The following ARMC1 variants were observed in gnomAD, a reference collection of about 807,000 sequenced individuals.
ARMC1 encodes the protein armadillo repeat-containing protein 1.
ARMC1 carries 16 observed loss-of-function variants against 31.4 expected under a neutral mutation model. That is an observed-to-expected ratio of 0.51 (90% confidence interval 0.34 to 0.77). The LOEUF (loss-of-function observed/expected upper bound fraction) is 0.77. ARMC1 is among the 30% of genes least tolerant of loss of function. The probability of loss-of-function intolerance (pLI) is 0.01; values close to 1 mark genes in which losing one functional copy is unlikely to be tolerated. For missense variants in ARMC1, 259 were observed against 347.5 expected, an observed-to-expected ratio of 0.75 and a Z score of 2.02; for synonymous variants, 114 against 118.9, an observed-to-expected ratio of 0.96 and a Z score of 0.27.
intron 3 of ARMC1, among the ~76,000 whole-genome samples, chr8:65,618,065 A>G (rs1487244372): frequency 6.6e-6 from 1 of 151,500 alleles, no homozygotes; most frequent in Non-Finnish European, 1.5e-5. Flanking sequence ...ACAGGTACGT[A>G]CCACCATGCC....
chr8:65,619,746 G>A (rs527952548), intron 3 of ARMC1, among the ~76,000 whole-genome samples: 1 of 152,118 alleles, frequency 6.6e-6, no homozygotes, highest in East Asian at 1.9e-4. Context: ...TACTTTGGGA[G>A]GCTGAGACGG....
In ARMC1 at chr8:65,622,252, A is replaced by G. The variant is rs544136024; in HGVS notation, c.275+11T>C. ...TATATAAATAAATGAGACACTGTCT[A>G]TTGTACTTACTTCTGTATAACATTT... On this transcript the variant is annotated intron_variant, in intron 3 of 6. Transcript: ENST00000276569. 1.1e-5 allele frequency: 18 copies of G among 1,588,852 alleles called. No homozygotes were observed. Among genetic ancestry groups the G allele is most frequent in the Middle Eastern group, 1.7e-4 (1 of 6,024 alleles).
At chr8:65,618,560 C>G (rs1215781395) in intron 3 of ARMC1, among the ~76,000 whole-genome samples, 5 of 150,124 alleles carry the variant, frequency 3.3e-5, no homozygotes, top group Admixed American at 2.7e-4. Context: ...TAAAGTGTCT[C>G]ACCAGAAAAC....
intron 4 of ARMC1, among the ~76,000 whole-genome samples, chr8:65,612,386 T>A (rs1172805866): frequency 1.3e-5 from 2 of 149,098 alleles, no homozygotes; most frequent in Admixed American, 6.7e-5. Flanking sequence ...AGCCCAGGAG[T>A]TCGAGCCTGC....
At chr8:65,629,690 T>C (rs950444136) in intron 1 of ARMC1, among the ~76,000 whole-genome samples, 2 of 150,342 alleles carry the variant, frequency 1.3e-5, no homozygotes, top group Admixed American at 6.7e-5. Flanking sequence ...TCCCAGCTAC[T>C]CGGGAGGCTG....
At chr8:65,619,463 G>A (rs569797079) in intron 3 of ARMC1, among the ~76,000 whole-genome samples, 17 of 152,162 alleles carry the variant, frequency 1.1e-4, no homozygotes, top group African/African-American at 1.7e-4. Context: ...GCTTGAAACC[G>A]AGAGGAAGAG....
At chr8:65,606,249 T>G (rs1408843408) in intron 4 of ARMC1, among the ~76,000 whole-genome samples, 1 of 151,362 alleles carries the variant, frequency 6.6e-6, no homozygotes, top group Non-Finnish European at 1.5e-5. Context: ...TAGTCCCAGC[T>G]GCTCGGGAGG....
intron 4 of ARMC1, among the ~76,000 whole-genome samples, chr8:65,607,130 C>G (rs1808021391): frequency 6.6e-6 from 1 of 152,250 alleles, no homozygotes; most frequent in African/African-American, 2.4e-5. Flanking sequence ...TTCTGCATTT[C>G]AACACTACTC....
chr8:65,608,852 T>C (rs951833821), intron 4 of ARMC1, among the ~76,000 whole-genome samples: 4 of 151,840 alleles, frequency 2.6e-5, no homozygotes, highest in Non-Finnish European at 4.4e-5. Context: ...GACGTTGCAG[T>C]GAGCCAAGAT....
At chr8:65,633,768 G>C (rs751276253) in intron 1 of ARMC1, 1 of 152,328 alleles carries the variant, frequency 6.6e-6, no homozygotes, top group Non-Finnish European at 1.5e-5. Context: ...ACTGGGGTTA[G>C]TAAAAGTCAG....
chr8:65,620,798 T>TAAAAAAAAAAAA (rs776508929), intron 3 of ARMC1, among the ~76,000 whole-genome samples: 37 of 46,488 alleles, frequency 8.0e-4, no homozygotes, highest in Non-Finnish European at 6.2e-4. Flanking sequence ...TTAGTTCCAT[T>TAAAAAAAAAAAA]TAAAAAAAAA....
At chr8:65,616,718 A>G (rs1176417299) in intron 3 of ARMC1, among the ~76,000 whole-genome samples, 1 of 146,012 alleles carries the variant, frequency 6.8e-6, no homozygotes, top group Admixed American at 6.8e-5. Flanking sequence ...CCATAGTCTG[A>G]GATGTGGGGA....
chr8:65,617,929 G>A lies in ARMC1; in HGVS notation c.275+4334C>T, dbSNP rs1808308855. Among the ~76,000 whole-genome samples the A allele has an allele frequency of 2.7e-5, 4 of 150,102 alleles. 1 individual carries two copies. The highest frequency in any genetic ancestry group is 5.9e-5 in the Non-Finnish European group (4 of 67,562). ...TAATCCTTTTTTCGGCGGGGGGGGAGGGAGCAGACAGAGTCTCACTCTGTC... is the reference window on the plus strand; with the variant it reads ...TAATCCTTTTTTCGGCGGGGGGGGAAGGAGCAGACAGAGTCTCACTCTGTC... On this transcript the variant is annotated intron_variant, in intron 3 of 6. Coordinates refer to ENST00000276569, the MANE Select transcript of ARMC1 (RefSeq NM_018120.6).
intron 4 of ARMC1, among the ~76,000 whole-genome samples, chr8:65,610,997 GA>G (rs1808127891): frequency 2.6e-5 from 4 of 151,674 alleles, no homozygotes; most frequent in Admixed American, 2.6e-4. Flanking sequence ...GCAGTGGTGT[GA>G]TTTCCACTCA....
intron 4 of ARMC1, among the ~76,000 whole-genome samples, chr8:65,612,736 C>T (rs888180806): frequency 6.6e-6 from 1 of 151,800 alleles, no homozygotes; most frequent in Non-Finnish European, 1.5e-5. Flanking sequence ...GTGGTGCACA[C>T]TCGTAATTCC....
intron 3 of ARMC1, among the ~76,000 whole-genome samples, chr8:65,622,018 A>C (rs767037908): frequency 6.6e-6 from 1 of 152,026 alleles, no homozygotes; most frequent in African/African-American, 2.4e-5. Flanking sequence ...GCTCACTGCA[A>C]CCTCCACCTC....
chr8:65,623,452 T>C lies in ARMC1; in HGVS notation c.184-1098A>G, dbSNP rs1304229055. On this transcript the variant is annotated intron_variant, in intron 2 of 6. Coordinates refer to ENST00000276569, the MANE Select transcript of ARMC1 (RefSeq NM_018120.6). The stretch of plus-strand genomic sequence containing the variant: ...GGCAAAACCCCGTTTCTACTAAAAA[T>C]ACAAAAATTAGCCGGGCATGATGGC... 3.3e-5 allele frequency among the ~76,000 whole-genome samples: 5 copies of C among 149,962 alleles called. No individual in the cohort carries two copies. The Admixed American group carries it at 3.3e-4, about 10-fold the overall frequency.
chr8:65,623,389 A>T (rs888989250), intron 2 of ARMC1, among the ~76,000 whole-genome samples: 14 of 150,926 alleles, frequency 9.3e-5, no homozygotes, highest in Non-Finnish European at 1.9e-4. Context: ...CAGGCCGATC[A>T]CTTAAGGTCA....
chr8:65,604,241 A>C lies in ARMC1; in HGVS notation c.*153T>G. On this transcript the variant is annotated 3_prime_UTR_variant, in exon 7 of 7. Coordinates refer to ENST00000276569, the MANE Select transcript of ARMC1 (RefSeq NM_018120.6). ...TCCTTTTTACCACTCAGTGGGGTAA[A>C]ATGTCCAATAAAACGTGAAATGCAG... 1.5e-6 allele frequency: 1 copy of C among 660,952 alleles called. No individual in the cohort carries two copies. The allele number at this position is 660,952 out of a possible 1,614,324, so 40.9% of individuals were successfully genotyped here. A position where few individuals can be genotyped will look rare whatever the true frequency, so the allele number is the denominator to read the frequency against.
Sources: allele counts gnomAD v4.1 joint callset (sites outside exome capture counted in the v4.1 genomes callset), GRCh38; gene constraint gnomAD v4.1.1; transcripts MANE v1.5; gene names NCBI Gene and HGNC (gene_info 2026-07-23, HGNC 2026-07-21).